TOP1: variants seen among roughly 807,000 people sequenced by gnomAD.
TOP1 encodes DNA topoisomerase 1.
TOP1 carries 10 observed loss-of-function variants against 111.1 expected under a neutral mutation model. The observed-to-expected ratio is 0.09, with a 90% CI of 0.06 to 0.15. The LOEUF (loss-of-function observed/expected upper bound fraction) is 0.15, where lower values mean the gene tolerates loss of function less well. Among genes scored for constraint, TOP1 ranks in the 10% least tolerant of loss-of-function variants. TOP1 has a pLI of 1.00. For missense variants in TOP1, 474 were observed against 926.7 expected, an observed-to-expected ratio of 0.51 and a Z score of 6.34; for synonymous variants, 271 against 302.9, an observed-to-expected ratio of 0.89 and a Z score of 1.10.
rs189635790 is a variant in TOP1, at chr20:41,091,663, T to G, written c.615-809T>G. Reference sequence around the variant, plus strand: ...CCTCTGCCTCCTGGGTTCAAGCAATTCTCGTGCCTCAGCCTCCTGAGCAGC... The same window carrying G: ...CCTCTGCCTCCTGGGTTCAAGCAATGCTCGTGCCTCAGCCTCCTGAGCAGC... On this transcript the variant is annotated intron_variant, in intron 8 of 20. Transcript: ENST00000361337. Among the ~76,000 whole-genome samples, 5 of 147,288 alleles carry G rather than the reference T, an allele frequency of 3.4e-5. No homozygotes were observed. The East Asian group carries it at 1.1e-3, about 34-fold the overall frequency.
At position 41,069,816 on chromosome 20, in the gene TOP1, A is replaced by T. The variant is rs2033649218; in HGVS notation, c.156-6355A>T. Among the ~76,000 whole-genome samples the T allele has an allele frequency of 6.6e-6, 1 of 152,192 alleles. No homozygotes were observed. Among genetic ancestry groups the T allele is most frequent in the Non-Finnish European group, 1.5e-5 (1 of 68,036 alleles). Reference sequence around the variant, plus strand: ...GTACGCCATAATCATTGTTTTTAAGATTTCATGGTGGAGACAGCATTTGAG... The same window carrying T: ...GTACGCCATAATCATTGTTTTTAAGTTTTCATGGTGGAGACAGCATTTGAG... On this transcript the variant is annotated intron_variant, in intron 3 of 20. Coordinates refer to ENST00000361337, the MANE Select transcript of TOP1 (RefSeq NM_003286.4). This position sits in a 1 kb window ranked among gnomAD's most constrained non-coding sequence, Gnocchi z 4.1.
At position 41,121,574 on chromosome 20, in the gene TOP1, T is replaced by A. The variant is rs576038703; in HGVS notation, c.1951-122T>A. 622 of 765,808 alleles carry A rather than the reference T, an allele frequency of 8.1e-4. 6 individuals are homozygous for A. The South Asian group carries it at 8.3e-3, about 10-fold the overall frequency. The allele number at this position is 765,808 out of a possible 1,614,324, so 47.4% of individuals were successfully genotyped here. ...TGCCTTCATGAAGCCACCCTTGTTTTTTTTTATCTGACAAACCACTGACAG... is the reference window on the plus strand; with the variant it reads ...TGCCTTCATGAAGCCACCCTTGTTTATTTTTATCTGACAAACCACTGACAG... On this transcript the variant is annotated intron_variant, in intron 18 of 20. Transcript: ENST00000361337. The surrounding 1 kb of genome is among the most constrained non-coding windows in gnomAD (Gnocchi z 4.2).
At chr20:41,037,748 A>G (rs1240376290) in intron 2 of TOP1, among the ~76,000 whole-genome samples, 1 of 152,272 alleles carries the variant, frequency 6.6e-6, no homozygotes, top group Admixed American at 6.5e-5. Flanking sequence ...CTTAAAGGAA[A>G]TAAACAAAAG....
chr20:41,104,092 G>A (rs1169265561), intron 13 of TOP1, among the ~76,000 whole-genome samples: 1 of 152,106 alleles, frequency 6.6e-6, no homozygotes, highest in Admixed American at 6.5e-5. Flanking sequence ...ATTTAAAGCT[G>A]GCCACATTTA....
intron 3 of TOP1, chr20:41,073,504 C>T (rs2033691512): frequency 3.1e-6 from 3 of 983,342 alleles, no homozygotes; most frequent in Non-Finnish European, 3.6e-6. Flanking sequence ...AAAGCTAGGA[C>T]CTTATAGCAA....
chr20:41,084,706 G>A lies in TOP1; in HGVS notation c.614+138G>A, dbSNP rs2033827369. On this transcript the variant is annotated intron_variant, in intron 8 of 20. Coordinates refer to ENST00000361337, the MANE Select transcript of TOP1 (RefSeq NM_003286.4). ...AACAATTTCTCTAGAGTAACTTTCT[G>A]AAGTAAGTTTTCCAACTTCTAGTGA... 3 of 580,088 alleles carry A rather than the reference G, an allele frequency of 5.2e-6. No individual in the cohort carries two copies. In the Admixed American group the frequency reaches 9.8e-5, roughly 19 times the overall value. 35.9% of individuals were successfully genotyped at this position (580,088 alleles called of 1,614,324 possible). A position where few individuals can be genotyped will look rare whatever the true frequency, so the allele number is the denominator to read the frequency against.
intron 17 of TOP1, among the ~76,000 whole-genome samples, chr20:41,117,264 G>A (rs2034344619): frequency 6.6e-6 from 1 of 151,656 alleles, no homozygotes; most frequent in African/African-American, 2.4e-5. Flanking sequence ...GAGCCCAGGA[G>A]TTTAGGGCTG....
rs964397767 is a variant in TOP1, at chr20:41,028,829, G to A, written c.-239G>A. The A allele has an allele frequency of 2.1e-5, 11 of 517,484 alleles. No individual in the cohort carries two copies. The highest frequency in any genetic ancestry group is 3.7e-5 in the Non-Finnish European group (11 of 293,672). 32.1% of individuals were successfully genotyped at this position (517,484 alleles called of 1,614,324 possible). On this transcript the variant is annotated 5_prime_UTR_variant, in exon 1 of 21. Coordinates refer to ENST00000361337, the MANE Select transcript of TOP1 (RefSeq NM_003286.4). ...GCGCAGGCGCAGTGAGCCCAAATGC[G>A]AACTTAGGCTGTTACACAACTGCTG...
intron 8 of TOP1, among the ~76,000 whole-genome samples, chr20:41,091,498 C>T (rs992454675): frequency 6.6e-6 from 1 of 150,782 alleles, no homozygotes; most frequent in African/African-American, 2.4e-5. Context: ...ATCAAATCTG[C>T]AACCAACTTT....
intron 2 of TOP1, among the ~76,000 whole-genome samples, chr20:41,048,497 AGGT>A (rs2033361432): frequency 1.3e-5 from 2 of 152,246 alleles, no homozygotes; most frequent in South Asian, 4.1e-4. Context: ...GGGTCAATAA[AGGT>A]CATTTTATAG....
rs370540591 is a variant in TOP1, at chr20:41,052,141, C to T, written c.59-9253C>T. ...TTACCACTGATTTATGCTACCTTCT[C>T]ATAGATCTAGTAGTTAAGTGACTTT... On this transcript the variant is annotated intron_variant, in intron 2 of 20. Transcript: ENST00000361337. Among the ~76,000 whole-genome samples the T allele has an allele frequency of 4.3e-4, 65 of 152,138 alleles. 2 individuals carry two copies. The highest frequency in any genetic ancestry group is 4.3e-3 in the Admixed American group (65 of 15,272).
rs1373314759 is a variant in TOP1, at chr20:41,116,283, T to C, written c.1713T>C (p.Gly571=). The C allele has an allele frequency of 6.2e-7, 1 of 1,609,600 alleles. No individual in the cohort carries two copies. Among genetic ancestry groups the C allele is most frequent in the Non-Finnish European group, 8.5e-7 (1 of 1,177,394 alleles). ...TGTTGCTTTGTCTCCTCCAGACTGGTATTCTGAATAAGCATCTTCAGGATC... is the reference window on the plus strand; with the variant it reads ...TGTTGCTTTGTCTCCTCCAGACTGGCATTCTGAATAAGCATCTTCAGGATC... The part of the protein sequence containing the change: ...EDDLFDRLNT[G]ILNKHLQDLM... Residue 571 remains glycine (G), a synonymous_variant, in exon 17 of 21, where the codon GGT becomes GGC. Coordinates refer to ENST00000361337, the MANE Select transcript of TOP1 (RefSeq NM_003286.4). This position sits in a 1 kb window ranked among gnomAD's most constrained non-coding sequence, Gnocchi z 5.6.
rs553493584 is a variant in TOP1 at position 41,032,129 on chromosome 20, G to A, written c.58+2674G>A. Among the ~76,000 whole-genome samples, 35 of 152,226 alleles carry A rather than the reference G, an allele frequency of 2.3e-4. No homozygotes were observed. The South Asian group carries it at 3.9e-3, about 17-fold the overall frequency. On this transcript the variant is annotated intron_variant, in intron 2 of 20. Transcript: ENST00000361337. This position sits in a 1 kb window ranked among gnomAD's most constrained non-coding sequence, Gnocchi z 4.3. ...CTTTGTATTAAGAGATTGTTTAAGC[G>A]TGATTTTAAGAGGGCCTAACCCATC...
intron 9 of TOP1, among the ~76,000 whole-genome samples, chr20:41,093,860 C>T (rs1008795746): frequency 1.3e-5 from 2 of 152,130 alleles, no homozygotes; most frequent in African/African-American, 4.8e-5. Context: ...AAGAAAGTGC[C>T]AAACTTGGCA....
At chr20:41,050,109 C>T (rs530750562) in intron 2 of TOP1, among the ~76,000 whole-genome samples, 109 of 152,316 alleles carry the variant, frequency 7.2e-4, no homozygotes, top group Non-Finnish European at 1.1e-3. Flanking sequence ...CCTCCGCCTC[C>T]GGGTTCAAGT....
chr20:41,040,679 G>A (rs1438159995), intron 2 of TOP1, among the ~76,000 whole-genome samples: 1 of 151,982 alleles, frequency 6.6e-6, no homozygotes, highest in Non-Finnish European at 1.5e-5. Flanking sequence ...GGTGGCGCAT[G>A]CCTGTAGTCC....
At chr20:41,088,204 A>T (rs1024766790) in intron 8 of TOP1, among the ~76,000 whole-genome samples, 5 of 152,222 alleles carry the variant, frequency 3.3e-5, no homozygotes, top group African/African-American at 1.2e-4. Context: ...GTCTTGATTT[A>T]AAAACACTGT....
rs2034041106 is a variant in TOP1, at chr20:41,100,261, C to A, written c.1163+18C>A. On this transcript the variant is annotated intron_variant, in intron 12 of 20. Transcript: ENST00000361337. The surrounding 1 kb of genome is among the most constrained non-coding windows in gnomAD (Gnocchi z 4.4). ...TGTAGCAAGTGAGCTCGCACTTCAT[C>A]CTATGGGCCAAAAAGGGGGTGGAGG... 2 of 1,599,650 alleles carry A rather than the reference C, an allele frequency of 1.3e-6. No individual in the cohort carries two copies. Among genetic ancestry groups the A allele is most frequent in the Non-Finnish European group, 1.7e-6 (2 of 1,171,648 alleles).
Position 41,071,347 on chromosome 20 carries a change from TA to T in TOP1, c.156-4821del, listed in dbSNP as rs2033666465. 6.6e-6 allele frequency among the ~76,000 whole-genome samples: 1 copy of T among 151,860 alleles called. No individual in the cohort carries two copies. Among genetic ancestry groups the T allele is most frequent in the Non-Finnish European group, 1.5e-5 (1 of 67,930 alleles). Reference sequence around the variant, plus strand: ...AAGTTATTTTTTTCTTTCCTTTTTTTAAATTTTTTTTTTTTTGAGATGGAGC... The same window carrying T: ...AAGTTATTTTTTTCTTTCCTTTTTTTAATTTTTTTTTTTTTGAGATGGAGC... On this transcript the variant is annotated intron_variant, in intron 3 of 20. Coordinates refer to ENST00000361337, the MANE Select transcript of TOP1 (RefSeq NM_003286.4). This position sits in a 1 kb window ranked among gnomAD's most constrained non-coding sequence, Gnocchi z 4.3.
Sources: allele counts gnomAD v4.1 joint callset (sites outside exome capture counted in the v4.1 genomes callset), GRCh38; gene constraint gnomAD v4.1.1; non-coding constraint Gnocchi (gnomAD v3.1); transcripts MANE v1.5; gene names NCBI Gene and HGNC (gene_info 2026-07-23, HGNC 2026-07-21).